The following LRRK1 variants were observed in gnomAD, a reference collection of about 807,000 sequenced individuals.
LRRK1 encodes the protein leucine rich repeat kinase 1.
LRRK1 carries 113 observed loss-of-function variants against 209.1 expected under a neutral mutation model. The ratio of observed to expected loss-of-function variants is 0.54; its 90% CI spans 0.46 to 0.63. The LOEUF is 0.63. LRRK1 is among the 30% of genes least tolerant of loss of function. The pLI, the probability that LRRK1 is intolerant of heterozygous loss-of-function variation, is 0.00. For synonymous variants in LRRK1, 1,144 were observed against 1,099.7 expected (o/e 1.04, Z -0.80); for missense variants, 2,284 against 2,632.2 (o/e 0.87, Z 2.89).
Position 101,028,273 on chromosome 15 carries a change from G to A in LRRK1, c.2686+476G>A, listed in dbSNP as rs565532690. The stretch of plus-strand genomic sequence containing the variant: ...AACCTTGTTTTATGTGTGTTGCTGC[G>A]TAAAGATGCCATACTTAATATATGT... On this transcript the variant is annotated intron_variant, in intron 19 of 33. Coordinates refer to ENST00000388948, the MANE Select transcript of LRRK1 (RefSeq NM_024652.6). Among the ~76,000 whole-genome samples the A allele has an allele frequency of 7.9e-5, 12 of 152,352 alleles. No homozygotes were observed. In the South Asian group the frequency reaches 2.3e-3, roughly 29 times the overall value.
chr15:100,942,914 C>T (rs2141612959), intron 2 of LRRK1, among the ~76,000 whole-genome samples: 1 of 152,300 alleles, frequency 6.6e-6, no homozygotes, highest in Non-Finnish European at 1.5e-5. Context: ...CCATGCTGAA[C>T]AACTCCCAGG....
intron 12 of LRRK1, among the ~76,000 whole-genome samples, chr15:101,015,818 G>A (rs532150088): frequency 1.6e-4 from 25 of 152,210 alleles, no homozygotes; most frequent in East Asian, 3.9e-4. Context: ...AAATACCACC[G>A]ACCGAGTGCT....
At chr15:101,061,911 G>C (rs925716632) in intron 30 of LRRK1, among the ~76,000 whole-genome samples, 92 of 152,242 alleles carry the variant, frequency 6.0e-4, no homozygotes, top group African/African-American at 2.1e-3. Flanking sequence ...AGGAGGCTGA[G>C]GCAGGAGAAT....
At chr15:100,956,344 A>G (rs565832550) in intron 2 of LRRK1, among the ~76,000 whole-genome samples, 4 of 148,264 alleles carry the variant, frequency 2.7e-5, no homozygotes, top group South Asian at 4.3e-4. Context: ...CCCCTATTTC[A>G]TTTATAATTG....
At chr15:100,948,428 T>C (rs2042584106) in intron 2 of LRRK1, among the ~76,000 whole-genome samples, 1 of 152,220 alleles carries the variant, frequency 6.6e-6, no homozygotes, top group South Asian at 2.1e-4. Flanking sequence ...TATTGGTAAA[T>C]TCCCCTCCCT....
At chr15:100,961,772 GT>G (rs2029983456) in intron 2 of LRRK1, among the ~76,000 whole-genome samples, 1 of 152,100 alleles carries the variant, frequency 6.6e-6, no homozygotes, top group Non-Finnish European at 1.5e-5. Flanking sequence ...GGTGGGGGAA[GT>G]TTCTCTAACC....
At chr15:101,043,692 AG>A (rs1309795655) in intron 20 of LRRK1, 1 of 152,258 alleles carries the variant, frequency 6.6e-6, no homozygotes, top group Non-Finnish European at 1.5e-5. Context: ...ATGGCACAGC[AG>A]GTTAGAATAT....
intron 2 of LRRK1, among the ~76,000 whole-genome samples, chr15:100,956,319 T>C (rs1205424297): frequency 6.6e-6 from 1 of 151,960 alleles, no homozygotes; most frequent in Non-Finnish European, 1.5e-5. Flanking sequence ...ACTTCTATTA[T>C]ACCAATTGTA....
At position 101,068,760 on chromosome 15, in the gene LRRK1, G is replaced by A. The variant is rs2036669580; in HGVS notation, c.5960G>A (p.Arg1987Lys). ...ENTEWCLAVW[R>K]GWGAREFDIF... is the part of the protein sequence containing the mutation. ...ACAGAGTGGTGCCTGGCCGTCTGGA[G>A]GGGCTGGGGCGCCAGGGAGTTCGAC... Residue 1987 changes from arginine (R) to lysine (K), a missense_variant, in exon 34 of 34, where the codon AGG becomes AAG. Transcript: ENST00000388948. 2 of 1,613,968 alleles carry A rather than the reference G, an allele frequency of 1.2e-6. No individual in the cohort carries two copies. Among genetic ancestry groups the A allele is most frequent in the East Asian group, 2.2e-5 (1 of 44,886 alleles).
intron 2 of LRRK1, among the ~76,000 whole-genome samples, chr15:100,955,195 T>C (rs2042728806): frequency 6.6e-6 from 1 of 152,206 alleles, no homozygotes; most frequent in African/African-American, 2.4e-5. Flanking sequence ...CAATGTCTTA[T>C]AGTTTTTAGT....
intron 2 of LRRK1, among the ~76,000 whole-genome samples, chr15:100,940,820 G>A (rs956430199): frequency 1.6e-4 from 24 of 152,210 alleles, no homozygotes; most frequent in African/African-American, 4.8e-4. Flanking sequence ...ACCAAGCTGT[G>A]TTGTGAATCA....
In LRRK1 at chr15:100,972,286, G is replaced by A. The variant is rs1249732191; in HGVS notation, c.98-1518G>A. 3.4e-5 allele frequency among the ~76,000 whole-genome samples: 5 copies of A among 146,146 alleles called. No homozygotes were observed. The Admixed American group carries it at 3.5e-4, about 10-fold the overall frequency. On this transcript the variant is annotated intron_variant, in intron 2 of 33. Transcript: ENST00000388948. ...CCTCAAAAGGATTTTAAAATCTAAT[G>A]TTTTCTTGGGATATAAGAATTGTAA... is the stretch of plus-strand genomic sequence containing the variant.
intron 11 of LRRK1, among the ~76,000 whole-genome samples, chr15:101,014,878 A>C (rs2033454651): frequency 6.6e-6 from 1 of 152,200 alleles, no homozygotes; most frequent in Non-Finnish European, 1.5e-5. Context: ...AACAGCCCCT[A>C]ATGGTGTCCT....
rs1257506570 is a variant in LRRK1, at chr15:101,027,858, TA to T, written c.2686+63del. On this transcript the variant is annotated intron_variant, in intron 19 of 33. Transcript: ENST00000388948. This position sits in a 1 kb window ranked among gnomAD's most constrained non-coding sequence, Gnocchi z 5.1. ...GAGAAATGGAACTGTCTGTACTTGCTAACTTCAGCTTGGCCTCAGTAATGAA... is the reference window on the plus strand; with the variant it reads ...GAGAAATGGAACTGTCTGTACTTGCTACTTCAGCTTGGCCTCAGTAATGAA... 1 of 1,450,620 alleles carries T rather than the reference TA, an allele frequency of 6.9e-7. No homozygotes were observed. The highest frequency in any genetic ancestry group is 9.3e-7 in the Non-Finnish European group (1 of 1,077,610). 89.9% of individuals were successfully genotyped at this position (1,450,620 alleles called of 1,614,324 possible).
In LRRK1 at chr15:101,022,045, T is replaced by G. The variant is rs2033819510; in HGVS notation, c.1852+88T>G. ...GTTAAGTTCTGGGGGTGGAGACAGT[T>G]GGTGACCCATGGAGCCCAGCTCCAG... On this transcript the variant is annotated intron_variant, in intron 14 of 33. Transcript: ENST00000388948. The surrounding 1 kb of genome is among the most constrained non-coding windows in gnomAD (Gnocchi z 4.0). The G allele has an allele frequency of 2.2e-6, 2 of 904,562 alleles. No homozygotes were observed. Among genetic ancestry groups the G allele is most frequent in the African/African-American group, 3.3e-5 (2 of 60,638 alleles). 56.0% of individuals were successfully genotyped at this position (904,562 alleles called of 1,614,324 possible). A position where few individuals can be genotyped will look rare whatever the true frequency, so the allele number is the denominator to read the frequency against.
At position 101,062,556 on chromosome 15, in the gene LRRK1, A is replaced by T; in HGVS notation, c.4798-18A>T. 6.5e-7 allele frequency: 1 copy of T among 1,533,124 alleles called. No homozygotes were observed. The highest frequency in any genetic ancestry group is 1.1e-5 in the South Asian group (1 of 89,438). The allele number at this position is 1,533,124 out of a possible 1,614,324, so 95.0% of individuals were successfully genotyped here. The stretch of plus-strand genomic sequence containing the variant: ...CTTTCCAGCCTGGGTCTCACAGTGG[A>T]CCTGTCTGCCTCTGCAGGACCAGAA... On this transcript the variant is annotated intron_variant, in intron 30 of 33. Transcript: ENST00000388948.
intron 31 of LRRK1, chr15:101,064,713 T>C (rs1185741972): frequency 3.3e-5 from 5 of 151,654 alleles, no homozygotes; most frequent in African/African-American, 1.0e-4. Flanking sequence ...AAGCGATTTC[T>C]TCCAGAATTA....
intron 2 of LRRK1, among the ~76,000 whole-genome samples, chr15:100,972,363 A>AGAGAGAGAGT (rs1176201849): frequency 1.0e-5 from 1 of 98,496 alleles, no homozygotes; most frequent in Non-Finnish European, 1.9e-5. Context: ...AGAGAGAGAG[A>AGAGAGAGAGT]GTGTGTGTGT....
chr15:101,047,234 G>A (rs912611151), intron 21 of LRRK1, among the ~76,000 whole-genome samples: 6 of 152,176 alleles, frequency 3.9e-5, no homozygotes, highest in South Asian at 2.1e-4. Context: ...CATTTTTACC[G>A]AAATGGTAAG....
Sources: gnomAD v4.1 joint callset for allele counts (sites outside exome capture counted in the v4.1 genomes callset) on GRCh38, gnomAD v4.1.1 for gene constraint, Gnocchi (gnomAD v3.1) non-coding constraint, MANE v1.5 for transcripts, NCBI Gene and HGNC (gene_info 2026-07-23, HGNC 2026-07-21) for gene names.